Variants in TXK observed in about 807,000 individuals in gnomAD.
TXK encodes the protein tyrosine-protein kinase TXK.
A neutral mutation model predicts 81.0 loss-of-function variants in TXK; 60 were observed. That is an observed-to-expected ratio of 0.74 (90% CI 0.60 to 0.92). The LOEUF (loss-of-function observed/expected upper bound fraction) is 0.92. Ranked by LOEUF, TXK falls within the 40% of genes least tolerant of loss-of-function variation. The pLI, the probability that TXK is intolerant of heterozygous loss-of-function variation, is 0.00. For synonymous variants in TXK, 203 were observed against 210.7 expected (o/e 0.96, Z 0.32); for missense variants, 581 against 638.3 (o/e 0.91, Z 0.97).
chr4:48,113,421 A>AT, intron 2 of TXK, 112 bp from the exon 3 acceptor site: 2 of 756,636 alleles, frequency 2.6e-6, no homozygotes, highest in East Asian at 5.2e-5. Flanking sequence ...TTCCAACTCC[A>AT]TTTTCATTTA....
intron 1 of TXK, among the ~76,000 whole-genome samples, chr4:48,116,131 C>T (rs1718805825): frequency 1.3e-5 from 2 of 152,076 alleles, no homozygotes; most frequent in South Asian, 4.2e-4. Context: ...TTTGAGAAGC[C>T]CTATAAATGT....
chr4:48,117,061 A>G (rs1423404613), intron 1 of TXK, among the ~76,000 whole-genome samples: 5 of 151,900 alleles, frequency 3.3e-5, no homozygotes, highest in Non-Finnish European at 7.4e-5. Flanking sequence ...AATTTTTTGT[A>G]GTTTTTAGTA....
intron 3 of TXK, among the ~76,000 whole-genome samples, 198 bp from the exon 4 acceptor site, chr4:48,112,710 A>G (rs1718675464): frequency 6.6e-6 from 1 of 152,196 alleles, no homozygotes; most frequent in Non-Finnish European, 1.5e-5. Context: ...ATCATTTTGT[A>G]CACTTTTGAG....
intron 14 of TXK, among the ~76,000 whole-genome samples, chr4:48,069,321 C>G (rs1294130162): frequency 3.4e-5 from 1 of 29,098 alleles, no homozygotes; most frequent in Non-Finnish European, 8.6e-5. Context: ...TCAATCTTTT[C>G]TTTTCTTTTT....
intron 4 of TXK, among the ~76,000 whole-genome samples, chr4:48,111,039 T>G (rs904634869): frequency 2.0e-5 from 3 of 152,230 alleles, no homozygotes; most frequent in East Asian, 3.8e-4. Flanking sequence ...CACGCCTTCT[T>G]GTACAGAAGA....
chr4:48,103,633 T>C (rs1718286398), intron 6 of TXK, among the ~76,000 whole-genome samples: 1 of 152,364 alleles, frequency 6.6e-6, no homozygotes, highest in East Asian at 1.9e-4. Flanking sequence ...ACCTAGTTTC[T>C]AGTTCTGACT....
chr4:48,103,700 C>T (rs957415986), intron 6 of TXK, among the ~76,000 whole-genome samples: 48 of 152,230 alleles, frequency 3.2e-4, no homozygotes, highest in African/African-American at 1.1e-3. Flanking sequence ...CTATAGGCAG[C>T]TTTGTGTTGG....
chr4:48,069,946 G>T (rs1179780013), intron 14 of TXK, among the ~76,000 whole-genome samples: 1 of 152,102 alleles, frequency 6.6e-6, no homozygotes. Context: ...CTTACAGCTT[G>T]CTGAGCATTT....
intron 1 of TXK, among the ~76,000 whole-genome samples, chr4:48,121,070 G>T (rs895824666): frequency 6.6e-6 from 1 of 151,960 alleles, no homozygotes; most frequent in Non-Finnish European, 1.5e-5. Flanking sequence ...TAGATTTCCC[G>T]CAAAGCTTTT....
intron 2 of TXK, 97 bp from the exon 3 acceptor site, chr4:48,113,406 T>C: frequency 1.1e-6 from 1 of 919,328 alleles, no homozygotes; most frequent in Non-Finnish European, 1.7e-6. Flanking sequence ...AAAATCCAGG[T>C]CTCTTTCCAA....
chr4:48,088,273 T>A (rs1717615878), intron 9 of TXK, among the ~76,000 whole-genome samples: 1 of 152,194 alleles, frequency 6.6e-6, no homozygotes, highest in South Asian at 2.1e-4. Flanking sequence ...CATCTAAACA[T>A]ATGCATAGCC....
At chr4:48,131,542 A>G (rs978181115) in intron 1 of TXK, among the ~76,000 whole-genome samples, 5 of 152,220 alleles carry the variant, frequency 3.3e-5, no homozygotes, top group African/African-American at 1.2e-4. Flanking sequence ...TTTACCCAGC[A>G]GAAAATGTAG....
chr4:48,074,512 G>A (rs1286904968), intron 12 of TXK, among the ~76,000 whole-genome samples: 2 of 152,136 alleles, frequency 1.3e-5, no homozygotes, highest in Non-Finnish European at 2.9e-5. Flanking sequence ...GCATACAGAA[G>A]GGGGGAAAGT....
At chr4:48,104,221 T>A (rs13111332) in intron 6 of TXK, among the ~76,000 whole-genome samples, 11 of 44,316 alleles carry the variant, frequency 2.5e-4, no homozygotes, top group African/African-American at 3.5e-4. Flanking sequence ...TATATATATA[T>A]TATATATTAT....
chr4:48,095,873 T>C (rs892141661), intron 6 of TXK, among the ~76,000 whole-genome samples: 1 of 152,234 alleles, frequency 6.6e-6, no homozygotes, highest in African/African-American at 2.4e-5. Flanking sequence ...AAGCTGTAAA[T>C]TGCTTTCAAA....
chr4:48,121,917 T>C lies in TXK; in HGVS notation c.17-7515A>G, dbSNP rs987962157. Among the ~76,000 whole-genome samples, 3 of 152,156 alleles carry C rather than the reference T, an allele frequency of 2.0e-5. 1 individual carries two copies. The highest frequency in any genetic ancestry group is 2.0e-4 in the Admixed American group (3 of 15,260). On this transcript the variant is annotated intron_variant, in intron 1 of 14. Transcript: ENST00000264316. ...TGCTGAACTGTACACTCAAATATGGTTAAAATGGTAAATTTTTGATATATA... is the reference window on the plus strand; with the variant it reads ...TGCTGAACTGTACACTCAAATATGGCTAAAATGGTAAATTTTTGATATATA...
At chr4:48,086,130 G>T (rs922900195) in intron 10 of TXK, among the ~76,000 whole-genome samples, 1 of 152,206 alleles carries the variant, frequency 6.6e-6, no homozygotes, top group Non-Finnish European at 1.5e-5. Context: ...AGCACACAGC[G>T]GCTGAGTAAA....
intron 9 of TXK, 170 bp downstream of exon 9, chr4:48,089,580 C>T (rs1187818443): frequency 8.3e-6 from 4 of 480,514 alleles, no homozygotes; most frequent in South Asian, 4.9e-5. Context: ...TTAGTAGAGA[C>T]GGGGTATCAC....
intron 1 of TXK, among the ~76,000 whole-genome samples, chr4:48,131,838 C>G (rs1719254524): frequency 6.6e-6 from 1 of 152,158 alleles, no homozygotes; most frequent in Admixed American, 6.5e-5. Context: ...GATGCTCACA[C>G]AGCTTTTAAT....
Sources: gnomAD v4.1 joint callset for allele counts (sites outside exome capture counted in the v4.1 genomes callset) on GRCh38, gnomAD v4.1.1 for gene constraint, MANE v1.5 for transcripts, NCBI Gene and HGNC (gene_info 2026-07-23, HGNC 2026-07-21) for gene names.